The following NR3C2 variants were observed in gnomAD, a reference collection of about 807,000 sequenced individuals.
NR3C2 encodes the protein nuclear receptor subfamily 3 group C member 2.
In NR3C2, 15 loss-of-function variants were observed where a neutral mutation model predicts 86.4. That is an observed-to-expected ratio of 0.17 (90% confidence interval 0.12 to 0.27). NR3C2 has a LOEUF of 0.27. Among genes scored for constraint, NR3C2 ranks in the 10% least tolerant of loss-of-function variants. NR3C2 has a pLI of 1.00. For missense variants in NR3C2, 960 were observed against 1,195.6 expected, an observed-to-expected ratio of 0.80 and a Z score of 2.91; for synonymous variants, 458 against 450.5, an observed-to-expected ratio of 1.02 and a Z score of -0.21.
chr4:148,082,171 T>C (rs530399612), intron 8 of NR3C2, among the ~76,000 whole-genome samples: 99 of 152,294 alleles, frequency 6.5e-4, no homozygotes, highest in African/African-American at 2.2e-3. Context: ...AGTTCTGGGG[T>C]GTCCCCCTAG....
At chr4:148,205,719 T>A (rs1018948822) in intron 3 of NR3C2, among the ~76,000 whole-genome samples, 3 of 152,098 alleles carry the variant, frequency 2.0e-5, no homozygotes, top group African/African-American at 4.8e-5. Flanking sequence ...GAACGGCACA[T>A]GAATAAGTGC....
chr4:148,285,194 A>G (rs1210719072), intron 2 of NR3C2, among the ~76,000 whole-genome samples: 1 of 152,210 alleles, frequency 6.6e-6, no homozygotes, highest in Non-Finnish European at 1.5e-5. Context: ...ATAAGAGGAA[A>G]GTTATTTACC....
At chr4:148,134,435 T>G (rs66856264) in intron 6 of NR3C2, among the ~76,000 whole-genome samples, 1,674 of 152,268 alleles carry the variant, frequency 0.011, 35 homozygotes, top group African/African-American at 0.038. Flanking sequence ...TTTCTCAAGA[T>G]AGATGAGGGG....
At chr4:148,363,502 A>ATTTTTTTTTTTTTTTTTTTTTTTTTTTTT (rs1414328296) in intron 2 of NR3C2, among the ~76,000 whole-genome samples, 1 of 16,224 alleles carries the variant, frequency 6.2e-5, no homozygotes, top group Non-Finnish European at 1.3e-4. Flanking sequence ...CTTCTCATAG[A>ATTTTTTTTTTTTTTTTTTTTTTTTTTTTT]TCTCTTTTTT....
chr4:148,423,433 C>T (rs1385575638), intron 2 of NR3C2, among the ~76,000 whole-genome samples: 1 of 152,192 alleles, frequency 6.6e-6, no homozygotes, highest in East Asian at 1.9e-4. Flanking sequence ...AATCTTCAAA[C>T]ATCTACTGAA....
chr4:148,392,068 C>T (rs1473557595), intron 2 of NR3C2, among the ~76,000 whole-genome samples: 4 of 151,806 alleles, frequency 2.6e-5, no homozygotes, highest in Non-Finnish European at 4.4e-5. Context: ...CAGAAAGCAC[C>T]ACACCTGAAA....
chr4:148,187,698 G>A (rs918011272), intron 4 of NR3C2, among the ~76,000 whole-genome samples: 14 of 151,946 alleles, frequency 9.2e-5, no homozygotes, highest in Admixed American at 3.9e-4. Context: ...TGTTCCTTTC[G>A]CTGTGCAAAA....
chr4:148,094,830 C>T (rs1731211931), intron 8 of NR3C2, among the ~76,000 whole-genome samples: 1 of 151,618 alleles, frequency 6.6e-6, no homozygotes, highest in South Asian at 2.1e-4. Flanking sequence ...CACAGATTAA[C>T]GAAATGTGGC....
intron 2 of NR3C2, among the ~76,000 whole-genome samples, chr4:148,386,564 A>G (rs1747271283): frequency 6.6e-6 from 1 of 152,220 alleles, no homozygotes; most frequent in Non-Finnish European, 1.5e-5. Flanking sequence ...CATAGTGATG[A>G]GTTCAACGCC....
rs1282361503 is a variant in NR3C2, at chr4:148,241,375, GCCCTACATGATCTAGTAA to G, written c.1897+18585_1897+18602del. Among the ~76,000 whole-genome samples the G allele has an allele frequency of 1.5e-4, 22 of 144,490 alleles. 1 individual carries two copies. Among genetic ancestry groups the G allele is most frequent in the African/African-American group, 5.1e-4 (20 of 38,916 alleles). 94.8% of individuals were successfully genotyped at this position (144,490 alleles called of 152,430 possible). ...TAATCTCCCTATAATTGGCTTTGAG[GCCCTACATGATCTAGTAA>G]AACTTAAGTCTCTGCCCCAACTCTA... On this transcript the variant is annotated intron_variant, in intron 3 of 8. Coordinates refer to ENST00000358102, the MANE Select transcript of NR3C2 (RefSeq NM_000901.5).
At chr4:148,427,906 C>G (rs760956823) in intron 2 of NR3C2, among the ~76,000 whole-genome samples, 1 of 152,066 alleles carries the variant, frequency 6.6e-6, no homozygotes, top group Non-Finnish European at 1.5e-5. Flanking sequence ...ACAGTATGTA[C>G]GTAACTCACT....
At chr4:148,118,655 C>A (rs1161991261) in intron 7 of NR3C2, among the ~76,000 whole-genome samples, 1 of 152,176 alleles carries the variant, frequency 6.6e-6, no homozygotes, top group Non-Finnish European at 1.5e-5. Flanking sequence ...GAGTTGGTAT[C>A]AAAAAATTAA....
At chr4:148,141,507 T>C (rs1733610295) in intron 6 of NR3C2, among the ~76,000 whole-genome samples, 1 of 152,102 alleles carries the variant, frequency 6.6e-6, no homozygotes, top group Admixed American at 6.5e-5. Flanking sequence ...AACAAGCATA[T>C]TTTCTGTACT....
intron 8 of NR3C2, among the ~76,000 whole-genome samples, chr4:148,097,624 A>C (rs1424512368): frequency 6.6e-6 from 1 of 152,234 alleles, no homozygotes; most frequent in Non-Finnish European, 1.5e-5. Flanking sequence ...GGATCGCTTA[A>C]GACAAGCCTG....
intron 2 of NR3C2, among the ~76,000 whole-genome samples, chr4:148,319,749 G>C (rs1415072542): frequency 6.6e-6 from 1 of 150,840 alleles, no homozygotes; most frequent in Non-Finnish European, 1.5e-5. Flanking sequence ...CTTTGCTGAA[G>C]TTGCTTATCA....
chr4:148,417,352 T>A (rs752257413), intron 2 of NR3C2, among the ~76,000 whole-genome samples: 2 of 152,232 alleles, frequency 1.3e-5, no homozygotes, highest in Non-Finnish European at 2.9e-5. Context: ...TAAAGACTTA[T>A]AATGACTTCT....
chr4:148,396,682 A>G (rs1402683563), intron 2 of NR3C2, among the ~76,000 whole-genome samples: 2 of 152,210 alleles, frequency 1.3e-5, no homozygotes, highest in Non-Finnish European at 2.9e-5. Flanking sequence ...AGGTTCCTAT[A>G]AAGTTCCTTA....
At chr4:148,256,956 C>G (rs878866246) in intron 3 of NR3C2, among the ~76,000 whole-genome samples, 2 of 152,160 alleles carry the variant, frequency 1.3e-5, no homozygotes, top group East Asian at 3.8e-4. Flanking sequence ...ATAGTCACTG[C>G]TATGCTATTA....
intron 2 of NR3C2, among the ~76,000 whole-genome samples, chr4:148,329,100 T>C (rs1199138146): frequency 6.6e-6 from 1 of 152,138 alleles, no homozygotes; most frequent in Non-Finnish European, 1.5e-5. Context: ...GCTGGTCACA[T>C]ACATGATGAA....
Sources: allele counts gnomAD v4.1 joint callset (sites outside exome capture counted in the v4.1 genomes callset), GRCh38; gene constraint gnomAD v4.1.1; transcripts MANE v1.5; gene names NCBI Gene and HGNC (gene_info 2026-07-23, HGNC 2026-07-21).